Variants in SORCS3 observed in about 807,000 individuals in gnomAD.
SORCS3 encodes the protein VPS10 domain-containing receptor SorCS3.
In SORCS3, 57 loss-of-function variants were observed where a neutral mutation model predicts 146.3. The ratio of observed to expected loss-of-function variants is 0.39; its 90% CI spans 0.31 to 0.49. SORCS3 has a LOEUF of 0.49. Ranked by LOEUF, SORCS3 falls within the 20% of genes least tolerant of loss-of-function variation. SORCS3 has a pLI of 0.92. For synonymous variants in SORCS3, 653 were observed against 618.5 expected (o/e 1.06, Z -0.83); for missense variants, 1,341 against 1,575.5 (o/e 0.85, Z 2.52).
intron 25 of SORCS3, among the ~76,000 whole-genome samples, chr10:105,258,463 G>A (rs543445146): frequency 5.2e-4 from 79 of 152,278 alleles, no homozygotes; most frequent in African/African-American, 1.9e-3. Context: ...GTTGCTGGGC[G>A]TGACAATCAA....
intron 9 of SORCS3, among the ~76,000 whole-genome samples, chr10:105,154,343 G>C (rs2056190453): frequency 6.6e-6 from 1 of 152,192 alleles, no homozygotes; most frequent in African/African-American, 2.4e-5. Flanking sequence ...GCTTTTCTCA[G>C]CAGAGCCCTG....
At chr10:104,903,133 A>T (rs2018868944) in intron 2 of SORCS3, among the ~76,000 whole-genome samples, 1 of 152,206 alleles carries the variant, frequency 6.6e-6, no homozygotes, top group Non-Finnish European at 1.5e-5. Flanking sequence ...CAGTCACTTA[A>T]CGTCTCCGAG....
At chr10:105,016,804 T>C (rs1467858355) in intron 4 of SORCS3, among the ~76,000 whole-genome samples, 2 of 152,102 alleles carry the variant, frequency 1.3e-5, no homozygotes, top group African/African-American at 2.4e-5. Flanking sequence ...TCTCTACTCA[T>C]TGTGTCTATG....
intron 3 of SORCS3, among the ~76,000 whole-genome samples, chr10:104,951,593 C>T (rs2019429912): frequency 6.6e-6 from 1 of 152,152 alleles, no homozygotes; most frequent in African/African-American, 2.4e-5. Flanking sequence ...AGTCCTCTCA[C>T]CTCAACCTCC....
intron 1 of SORCS3, among the ~76,000 whole-genome samples, chr10:104,736,023 T>A (rs1191019029): frequency 6.6e-6 from 1 of 152,206 alleles, no homozygotes. Context: ...TCAGTTGAAC[T>A]CATTTTCTCT....
At chr10:105,146,342 C>T (rs986435951) in intron 8 of SORCS3, among the ~76,000 whole-genome samples, 3 of 151,772 alleles carry the variant, frequency 2.0e-5, no homozygotes, top group Non-Finnish European at 4.4e-5. Context: ...ATGATCCAGA[C>T]AGAGCAAGAC....
intron 9 of SORCS3, among the ~76,000 whole-genome samples, chr10:105,156,478 A>T (rs1224790025): frequency 1.3e-5 from 2 of 152,178 alleles, no homozygotes; most frequent in Non-Finnish European, 2.9e-5. Context: ...CAAATCTCAA[A>T]ACATGGGAAC....
At chr10:105,069,248 A>G (rs931412282) in intron 5 of SORCS3, among the ~76,000 whole-genome samples, 3 of 152,224 alleles carry the variant, frequency 2.0e-5, no homozygotes, top group African/African-American at 7.2e-5. Context: ...TGCCAGGCCA[A>G]TGAAGGCAGG....
At chr10:104,954,350 C>T (rs7072323) in intron 3 of SORCS3, among the ~76,000 whole-genome samples, 5,520 of 152,130 alleles carry the variant, frequency 0.036, 299 homozygotes, top group African/African-American at 0.12. Flanking sequence ...CCACCTTTAG[C>T]ACTTAAATAT....
chr10:104,764,908 G>A (rs1589490584), intron 1 of SORCS3, among the ~76,000 whole-genome samples: 1 of 152,150 alleles, frequency 6.6e-6, no homozygotes, highest in South Asian at 2.1e-4. Context: ...AACTCTGATG[G>A]ATTGTCCAGG....
chr10:104,718,827 T>C (rs2016510212), intron 1 of SORCS3, among the ~76,000 whole-genome samples: 1 of 152,210 alleles, frequency 6.6e-6, no homozygotes. Context: ...TATGCCATTA[T>C]GGAAATGACT....
rs141857728 is a variant in SORCS3, at chr10:105,077,973, C to T, written c.1029-11802C>T. ...CTTCCAAAGTGCCCACGAGAGAAGC[C>T]GTGTTCATTTGAGCTGGATGAGATC... is the stretch of plus-strand genomic sequence containing the variant. On this transcript the variant is annotated intron_variant, in intron 5 of 26. Coordinates refer to ENST00000369701, the MANE Select transcript of SORCS3 (RefSeq NM_014978.3). Among the ~76,000 whole-genome samples the T allele has an allele frequency of 2.9e-3, 436 of 152,288 alleles. 3 individuals carry two copies. Among genetic ancestry groups the T allele is most frequent in the African/African-American group, 9.7e-3 (402 of 41,546 alleles).
intron 20 of SORCS3, among the ~76,000 whole-genome samples, chr10:105,227,377 T>G (rs181080243): frequency 2.0e-5 from 3 of 152,164 alleles, no homozygotes; most frequent in Non-Finnish European, 4.4e-5. Context: ...TGTTATTGAT[T>G]TCTAGATTTA....
chr10:104,785,172 G>A (rs1338828975), intron 1 of SORCS3, among the ~76,000 whole-genome samples: 2 of 150,134 alleles, frequency 1.3e-5, no homozygotes, highest in Non-Finnish European at 2.9e-5. Flanking sequence ...TTGAGAAATC[G>A]GATGGTTGCC....
intron 7 of SORCS3, among the ~76,000 whole-genome samples, chr10:105,125,527 C>T (rs1219742408): frequency 6.6e-6 from 1 of 151,884 alleles, no homozygotes; most frequent in Non-Finnish European, 1.5e-5. Context: ...GCATGATTCT[C>T]CTCCTTAAAC....
At chr10:105,252,235 G>A (rs954392167) in intron 22 of SORCS3, among the ~76,000 whole-genome samples, 2 of 152,052 alleles carry the variant, frequency 1.3e-5, no homozygotes, top group African/African-American at 4.8e-5. Context: ...AAACAAATTG[G>A]CAATATGTAT....
intron 1 of SORCS3, among the ~76,000 whole-genome samples, chr10:104,804,597 A>G (rs2017661438): frequency 6.6e-6 from 1 of 152,228 alleles, no homozygotes. Flanking sequence ...CACAGTTAGC[A>G]GTAAAACCCA....
chr10:105,159,126 G>C, intron 11 of SORCS3, 132 bp downstream of exon 11: 1 of 614,818 alleles, frequency 1.6e-6, no homozygotes, highest in East Asian at 2.9e-5. Flanking sequence ...AAATATGCAG[G>C]GTTCCTCAAT....
chr10:104,821,448 C>G, intron 1 of SORCS3, among the ~76,000 whole-genome samples: 1 of 152,066 alleles, frequency 6.6e-6, no homozygotes. Flanking sequence ...CTGGGGACAC[C>G]GGTGAGGGTT....
Sources: allele counts gnomAD v4.1 joint callset (sites outside exome capture counted in the v4.1 genomes callset), GRCh38; gene constraint gnomAD v4.1.1; transcripts MANE v1.5; gene names NCBI Gene and HGNC (gene_info 2026-07-23, HGNC 2026-07-21).